ARHGEF37: variants seen among roughly 807,000 people sequenced by gnomAD.
ARHGEF37 encodes Rho guanine nucleotide exchange factor 37.
ARHGEF37 carries 55 observed loss-of-function variants against 71.1 expected under a neutral mutation model. That is an observed-to-expected ratio of 0.77 (90% CI 0.62 to 0.97). The LOEUF is 0.97. ARHGEF37 is among the 50% of genes least tolerant of loss of function. The pLI is 0.00. For missense variants in ARHGEF37, 765 were observed against 836.8 expected (o/e 0.91, Z 1.06); for synonymous variants, 327 against 350.6 (o/e 0.93, Z 0.75).
At chr5:149,572,469 C>T (rs1762979239) in intron 1 of ARHGEF37, among the ~76,000 whole-genome samples, 1 of 152,096 alleles carries the variant, frequency 6.6e-6, no homozygotes, top group Non-Finnish European at 1.5e-5. Context: ...TGTGTAATAT[C>T]AGGTGGAAGT....
At chr5:149,586,001 C>A (rs9637875) in intron 1 of ARHGEF37, among the ~76,000 whole-genome samples, 38,927 of 152,012 alleles carry the variant, frequency 0.26, 5,413 homozygotes, top group Admixed American at 0.41. Context: ...GTCTTTCATT[C>A]ATTAATTCAA....
intron 4 of ARHGEF37, among the ~76,000 whole-genome samples, chr5:149,613,753 T>C (rs1238957529): frequency 6.7e-6 from 1 of 149,962 alleles, no homozygotes; most frequent in Non-Finnish European, 1.5e-5. Context: ...TTGATATTTC[T>C]ACAGTGTTTT....
chr5:149,559,853 C>T lies in ARHGEF37; in HGVS notation c.-12+7730C>T, dbSNP rs1478308536. On this transcript the variant is annotated intron_variant, in intron 1 of 2. Transcript: ENST00000505810. ...CTCTCTCTCCCCCCAATTTCAAAAT[C>T]TCAAGAATTTTGCAAGTCTGTTGTT... Among the ~76,000 whole-genome samples, 5 of 152,160 alleles carry T rather than the reference C, an allele frequency of 3.3e-5. 1 individual carries two copies. The South Asian group carries it at 8.3e-4, about 25-fold the overall frequency.
chr5:149,623,998 C>A lies in ARHGEF37; in HGVS notation c.1336-14C>A. 2 of 1,587,808 alleles carry A rather than the reference C, an allele frequency of 1.3e-6. No individual in the cohort carries two copies. Among genetic ancestry groups the A allele is most frequent in the Non-Finnish European group, 1.7e-6 (2 of 1,159,966 alleles). ...TCTTGCCCAGCTCTGTTGACAGTGT[C>A]TGTCCCCACTTAGCTGCCCCACCAC... On this transcript the variant is annotated splice_polypyrimidine_tract_variant and intron_variant, in intron 9 of 12. Transcript: ENST00000333677.
chr5:149,608,456 C>T (rs944805916), intron 3 of ARHGEF37, among the ~76,000 whole-genome samples: 2 of 151,860 alleles, frequency 1.3e-5, no homozygotes, highest in East Asian at 1.9e-4. Context: ...CTGCAACCTC[C>T]GCCTCCCAGG....
At chr5:149,627,741 G>A (rs1490941851) in intron 11 of ARHGEF37, among the ~76,000 whole-genome samples, 1 of 152,222 alleles carries the variant, frequency 6.6e-6, no homozygotes, top group African/African-American at 2.4e-5. Flanking sequence ...GGGAAGTGCT[G>A]CTGAGGTCTG....
chr5:149,632,014 C>T lies in ARHGEF37; in HGVS notation c.1851C>T (p.Ser617=). Reference sequence around the variant, plus strand: ...CCGCGTACCCTTTTGTGGCCAGAAGCAGCCATGAAGTGAGCCTGCAGGCAG... The same window carrying T: ...CCGCGTACCCTTTTGTGGCCAGAAGTAGCCATGAAGTGAGCCTGCAGGCAG... ...VIAAYPFVAR[S]SHEVSLQAGQ... The change falls in exon 13 of 13, where the codon AGC becomes AGT. Residue 617 remains serine (S), a synonymous_variant. Transcript: ENST00000333677. 2 of 1,614,238 alleles carry T rather than the reference C, an allele frequency of 1.2e-6. No homozygotes were observed. Among genetic ancestry groups the T allele is most frequent in the Non-Finnish European group, 1.7e-6 (2 of 1,180,042 alleles).
In ARHGEF37 at chr5:149,627,290, G is replaced by C. The variant is rs771601212; in HGVS notation, c.1660+19G>C. ...ACCGGGGGTACGTGAGCCTTTGGGA[G>C]CCCTTCTTCTCCTTCGGGGAAAACC... On this transcript the variant is annotated intron_variant, in intron 11 of 12. Coordinates refer to ENST00000333677, the MANE Select transcript of ARHGEF37 (RefSeq NM_001001669.3). The C allele has an allele frequency of 3.1e-6, 5 of 1,607,946 alleles. 1 individual carries two copies. In the South Asian group the frequency reaches 5.5e-5, roughly 18 times the overall value.
chr5:149,555,165 C>A (rs759804221), intron 1 of ARHGEF37, among the ~76,000 whole-genome samples: 11 of 150,202 alleles, frequency 7.3e-5, no homozygotes, highest in Non-Finnish European at 1.6e-4. Flanking sequence ...AGAAAGGAGT[C>A]TTCAAAGAGC....
Position 149,610,869 on chromosome 5 carries a change from C to T in ARHGEF37, c.458+1174C>T, listed in dbSNP as rs141515934. Among the ~76,000 whole-genome samples, 813 of 152,326 alleles carry T rather than the reference C, an allele frequency of 5.3e-3. 12 individuals are homozygous for T. Among genetic ancestry groups the T allele is most frequent in the African/African-American group, 0.018 (758 of 41,580 alleles). ...TGGCTTTTGCTAGATAACAAATCAC[C>T]CCCAAAATGTAGTGGCTTGAAACAA... On this transcript the variant is annotated intron_variant, in intron 4 of 12. Coordinates refer to ENST00000333677, the MANE Select transcript of ARHGEF37 (RefSeq NM_001001669.3).
intron 4 of ARHGEF37, among the ~76,000 whole-genome samples, chr5:149,614,562 G>A (rs1399732272): frequency 6.6e-6 from 1 of 152,164 alleles, no homozygotes; most frequent in Non-Finnish European, 1.5e-5. Context: ...TCTCTAATTT[G>A]TGAGGCGATA....
chr5:149,590,569 C>T (rs6899005), intron 1 of ARHGEF37, among the ~76,000 whole-genome samples: 32 of 150,274 alleles, frequency 2.1e-4, no homozygotes, highest in South Asian at 4.2e-4. Context: ...TGTGAGCCAC[C>T]GCGTCTGGCC....
intron 1 of ARHGEF37, among the ~76,000 whole-genome samples, chr5:149,554,497 CCTT>C (rs777286998): frequency 1.5e-4 from 23 of 152,096 alleles, no homozygotes; most frequent in Non-Finnish European, 3.4e-4. Context: ...TATGAGTCCT[CCTT>C]TGTTTCCTGC....
chr5:149,618,204 G>A lies in ARHGEF37; in HGVS notation c.687G>A (p.Leu229=), dbSNP rs772373560. The change falls in exon 6 of 13, where the codon CTG becomes CTA. Residue 229 remains leucine (L), a synonymous_variant. Transcript: ENST00000333677. The part of the protein sequence containing the change: ...VASKYTKVEQ[L]TLRERLARIN... ...CCAAGTACACCAAGGTAGAGCAGCT[G>A]ACCCTCCGGGAGCGGCTGGCCCGCA... The A allele has an allele frequency of 1.2e-6, 2 of 1,614,054 alleles. No homozygotes were observed. The highest frequency in any genetic ancestry group is 1.7e-6 in the Non-Finnish European group (2 of 1,180,022).
intron 12 of ARHGEF37, among the ~76,000 whole-genome samples, chr5:149,629,663 C>T (rs967532703): frequency 2.6e-5 from 4 of 152,184 alleles, no homozygotes; most frequent in Non-Finnish European, 5.9e-5. Flanking sequence ...TGGGCAGGGA[C>T]AGGCCAGCAG....
chr5:149,570,343 G>A (rs1448917519), intron 1 of ARHGEF37, among the ~76,000 whole-genome samples: 3 of 152,040 alleles, frequency 2.0e-5, no homozygotes, highest in African/African-American at 7.3e-5. Flanking sequence ...GGAGGCCGAG[G>A]TGGGTGGATC....
intron 1 of ARHGEF37, among the ~76,000 whole-genome samples, chr5:149,575,348 C>G (rs185252248): frequency 6.6e-6 from 1 of 152,342 alleles, no homozygotes; most frequent in East Asian, 1.9e-4. Context: ...CCTGTTGTAG[C>G]AGACACCGTT....
chr5:149,618,553 G>A (rs1752443933), intron 6 of ARHGEF37, among the ~76,000 whole-genome samples: 1 of 152,332 alleles, frequency 6.6e-6, no homozygotes, highest in African/African-American at 2.4e-5. Context: ...TGGTCTCTGG[G>A]TTTGGGCAAA....
At chr5:149,557,865 A>ATT (rs529240803) in intron 1 of ARHGEF37, among the ~76,000 whole-genome samples, 40 of 137,102 alleles carry the variant, frequency 2.9e-4, no homozygotes, top group East Asian at 8.6e-4. Context: ...TTACCCAATA[A>ATT]TTTTTTTTTT....
Sources: gnomAD v4.1 joint callset for allele counts (sites outside exome capture counted in the v4.1 genomes callset) on GRCh38, gnomAD v4.1.1 for gene constraint, MANE v1.5 for transcripts, NCBI Gene and HGNC (gene_info 2026-07-23, HGNC 2026-07-21) for gene names.